The following CCDC136 variants were observed in gnomAD, a reference collection of about 807,000 sequenced individuals.
CCDC136 encodes coiled-coil domain containing 136.
In CCDC136, 100 loss-of-function variants were observed where a neutral mutation model predicts 141.2. That is an observed-to-expected ratio of 0.71 (90% CI 0.60 to 0.84). The LOEUF is 0.84. Ranked by LOEUF, CCDC136 falls within the 40% of genes least tolerant of loss-of-function variation. CCDC136 has a pLI of 0.00. For missense variants in CCDC136, 1,206 were observed against 1,379.4 expected, an observed-to-expected ratio of 0.87 and a Z score of 1.99; for synonymous variants, 474 against 531.9, an observed-to-expected ratio of 0.89 and a Z score of 1.50.
chr7:128,812,561 C>T, intron 13 of CCDC136, 147 bp from the exon 14 acceptor site: 1 of 707,920 alleles, frequency 1.4e-6, no homozygotes. Context: ...AGCCACGATG[C>T]TCTTTATGGG....
chr7:128,791,418 C>T, upstream of CCDC136: 1 of 1,095,662 alleles, frequency 9.1e-7, no homozygotes, highest in Non-Finnish European at 1.2e-6. This position sits in a 1 kb window ranked among gnomAD's most constrained non-coding sequence, Gnocchi z 7.1. Context: ...TCCCTCCCTG[C>T]GCACCCGGCT....
chr7:128,796,739 A>ATATATTTTTTTTTTTTTTTT, intron 3 of CCDC136, among the ~76,000 whole-genome samples: 1 of 113,376 alleles, frequency 8.8e-6, no homozygotes, highest in Non-Finnish European at 1.7e-5. Context: ...ATATATATAT[A>ATATATTTTTTTTTTTTTTTT]TTCTTTTTTT....
rs1353688036 is a variant in CCDC136, at chr7:128,796,751, T to A, written c.346+1983T>A. Among the ~76,000 whole-genome samples the A allele has an allele frequency of 7.6e-5, 9 of 119,042 alleles. 1 individual carries two copies. The highest frequency in any genetic ancestry group is 2.4e-4 in the African/African-American group (7 of 28,806). The allele number at this position is 119,042 out of a possible 152,430, so 78.1% of individuals were successfully genotyped here. ...TATATATATATATATTCTTTTTTTT[T>A]TTTTTTTTGAGACGGAGTCTCGCTC... On this transcript the variant is annotated intron_variant, in intron 3 of 17. Transcript: ENST00000297788.
chr7:128,796,667 C>T (rs929595431), intron 3 of CCDC136, among the ~76,000 whole-genome samples: 3 of 150,118 alleles, frequency 2.0e-5, no homozygotes, highest in African/African-American at 7.4e-5. Flanking sequence ...TGCAATAGTC[C>T]AGTCAAGAGA....
At chr7:128,791,954 C>T (rs556788124), upstream of CCDC136, 41 of 1,012,982 alleles carry the variant, frequency 4.0e-5, no homozygotes, top group African/African-American at 6.9e-4. This position sits in a 1 kb window ranked among gnomAD's most constrained non-coding sequence, Gnocchi z 7.1. Context: ...CGCACGCCCC[C>T]CACTCCTCCC....
At chr7:128,820,656 C>G (rs767066537) in intron 17 of CCDC136, among the ~76,000 whole-genome samples, 1 of 152,174 alleles carries the variant, frequency 6.6e-6, no homozygotes, top group African/African-American at 2.4e-5. Context: ...TAGAGTGCAG[C>G]GGCATGATCA....
rs553855028 is a variant in CCDC136, at chr7:128,814,665, G to C, written c.2791G>C (p.Glu931Gln). 2.5e-6 allele frequency: 4 copies of C among 1,593,932 alleles called. No homozygotes were observed. The African/African-American group carries it at 5.4e-5, about 21-fold the overall frequency. ...CAAAGAACTGCAGACCAAGCTGCGG[G>C]AGCTGCAGCTGCAATACCAGGCTAG... ...EIKELQTKLRELQLQYQASMD... is the reference protein window; with the variant it reads ...EIKELQTKLRQLQLQYQASMD... The change falls in exon 15 of 18, where the codon GAG becomes CAG. Residue 931 changes from glutamate to glutamine, a missense_variant. By Grantham distance (29) the Glu-to-Gln change is conservative. Coordinates refer to ENST00000297788, the MANE Select transcript of CCDC136 (RefSeq NM_022742.5).
At chr7:128,801,963 G>A (rs1337118223) in intron 4 of CCDC136, among the ~76,000 whole-genome samples, 1 of 152,090 alleles carries the variant, frequency 6.6e-6, no homozygotes, top group African/African-American at 2.4e-5. Flanking sequence ...CCAGCTCTAG[G>A]ATGGGCAAAG....
intron 3 of CCDC136, among the ~76,000 whole-genome samples, chr7:128,797,587 C>T (rs1803234318): frequency 6.6e-6 from 1 of 152,116 alleles, no homozygotes; most frequent in Non-Finnish European, 1.5e-5. Context: ...GTGAGATGGT[C>T]TTGGATTTGG....
Position 128,812,145 on chromosome 7 carries a change from A to G in CCDC136, c.2374A>G (p.Ser792Gly). Residue 792 changes from serine (S) to glycine (G), a missense_variant, in exon 13 of 18, where the codon AGC (serine) becomes GGC (glycine). Ser to Gly is a moderately conservative substitution (Grantham distance 56). Coordinates refer to ENST00000297788, the MANE Select transcript of CCDC136 (RefSeq NM_022742.5). ...CAAGAGCTTTCTCAAGAGCTATGAC[A>G]GCAGCACCAGTGCCAGTGAGGCCTA... ...SSKSFLKSYD[S>G]STSASEAYGK... is the part of the protein sequence containing the mutation. The G allele has an allele frequency of 6.2e-7, 1 of 1,614,048 alleles. No individual in the cohort carries two copies. Among genetic ancestry groups the G allele is most frequent in the Non-Finnish European group, 8.5e-7 (1 of 1,179,900 alleles).
intron 4 of CCDC136, among the ~76,000 whole-genome samples, chr7:128,802,357 G>T (rs1285885907): frequency 6.6e-6 from 1 of 152,096 alleles, no homozygotes; most frequent in Non-Finnish European, 1.5e-5. Context: ...AGGAATCAAA[G>T]AACTGCAAGT....
chr7:128,818,109 A>C, intron 17 of CCDC136: 1 of 448,460 alleles, frequency 2.2e-6, no homozygotes, highest in South Asian at 2.7e-5. Context: ...GGTTTGTTTC[A>C]ATCCTTGGCT....
chr7:128,814,422 A>T (rs1025239090), intron 14 of CCDC136, among the ~76,000 whole-genome samples: 1 of 152,132 alleles, frequency 6.6e-6, no homozygotes, highest in African/African-American at 2.4e-5. Context: ...GATGGACATC[A>T]TCAGGTGCCT....
At chr7:128,791,337 C>CGGG, upstream of CCDC136, 1 of 409,510 alleles carries the variant, frequency 2.4e-6, no homozygotes, top group Non-Finnish European at 4.0e-6. The surrounding 1 kb of genome is among the most constrained non-coding windows in gnomAD (Gnocchi z 7.1). Context: ...GGAGGGCTTC[C>CGGG]GGGCGGCGGC....
chr7:128,791,506 G>A (rs1293110760), upstream of CCDC136: 9 of 1,297,448 alleles, frequency 6.9e-6, no homozygotes, highest in Admixed American at 4.0e-5. The surrounding 1 kb of genome is among the most constrained non-coding windows in gnomAD (Gnocchi z 7.1). Context: ...GGAGGCGGGC[G>A]CCGGAGCCGG....
rs964346719 is a variant in CCDC136, at chr7:128,792,051, C to T, written c.-361C>T. On this transcript the variant is annotated 5_prime_UTR_variant, in exon 1 of 18. Coordinates refer to ENST00000297788, the MANE Select transcript of CCDC136 (RefSeq NM_022742.5). ...TCAGTCTTGGCCCTCTCCTCCCTGT[C>T]CCCCCGGACTAAATACGCACACCCC... The T allele has an allele frequency of 2.5e-5, 32 of 1,276,268 alleles. No individual in the cohort carries two copies. The highest frequency in any genetic ancestry group is 3.1e-5 in the Non-Finnish European group (31 of 1,009,598). 79.1% of individuals were successfully genotyped at this position (1,276,268 alleles called of 1,614,324 possible).
At chr7:128,798,230 C>T (rs66520020) in intron 3 of CCDC136, among the ~76,000 whole-genome samples, 38,055 of 134,510 alleles carry the variant, frequency 0.28, 7,641 homozygotes, top group African/African-American at 0.56. Flanking sequence ...AATAGGGTTC[C>T]AGAGCGATTC....
At chr7:128,808,794 C>G (rs1805255611) in intron 10 of CCDC136, 2 of 985,260 alleles carry the variant, frequency 2.0e-6, no homozygotes, top group Non-Finnish European at 2.4e-6. Context: ...TCACCTCTTC[C>G]CCTAATGGGA....
chr7:128,818,257 C>T (rs186106734), intron 17 of CCDC136: 43 of 180,036 alleles, frequency 2.4e-4, no homozygotes, highest in Admixed American at 1.6e-3. Flanking sequence ...GGCCTGGACT[C>T]TCTTTGTCTT....
Sources: allele counts gnomAD v4.1 joint callset (sites outside exome capture counted in the v4.1 genomes callset), GRCh38; gene constraint gnomAD v4.1.1; non-coding constraint Gnocchi (gnomAD v3.1); transcripts MANE v1.5; gene names NCBI Gene and HGNC (gene_info 2026-07-23, HGNC 2026-07-21).